The following DPP10 variants were observed in gnomAD, a reference collection of about 807,000 sequenced individuals.
DPP10 encodes the protein dipeptidyl peptidase like 10.
A neutral mutation model predicts 120.9 loss-of-function variants in DPP10; 33 were observed. That is an observed-to-expected ratio of 0.27 (90% CI 0.21 to 0.37). DPP10 has a LOEUF of 0.37. Ranked by LOEUF, DPP10 falls within the 10% of genes least tolerant of loss-of-function variation. The probability of loss-of-function intolerance (pLI) is 1.00; values close to 1 mark genes in which losing one functional copy is unlikely to be tolerated. For missense variants in DPP10, 816 were observed against 942.8 expected (o/e 0.87, Z 1.76); for synonymous variants, 337 against 326.1 (o/e 1.03, Z -0.36).
intron 7 of DPP10, among the ~76,000 whole-genome samples, chr2:115,692,969 A>T (rs928788244): frequency 1.3e-5 from 2 of 152,148 alleles, no homozygotes; most frequent in East Asian, 1.9e-4. Context: ...ACCCTCAAAT[A>T]TTCAAAGAAA....
chr2:115,843,658 TAGTA>T lies in DPP10; in HGVS notation c.*1319_*1322del, dbSNP rs1297418228. The stretch of plus-strand genomic sequence containing the variant: ...ATTCCTGTGCTGTGTTGACTTGCAG[TAGTA>T]AGTAACTGAGAGCATAAAATAAACC... On this transcript the variant is annotated 3_prime_UTR_variant, in exon 26 of 26. Transcript: ENST00000410059. 1.3e-5 allele frequency: 2 copies of T among 152,192 alleles called. No homozygotes were observed. Among genetic ancestry groups the T allele is most frequent in the Non-Finnish European group, 1.5e-5 (1 of 68,028 alleles). The allele number at this position is 152,192 out of a possible 1,614,324, so 9.4% of individuals were successfully genotyped here. A position where few individuals can be genotyped will look rare whatever the true frequency, so the allele number is the denominator to read the frequency against.
rs2092782750 is a variant in DPP10 at position 115,727,064 on chromosome 2, A to G, written c.577-752A>G. ...AGACATTGTAAAGCGAATTATAAATAATTTTATCCTGAATTATCTATATCA... is the reference window on the plus strand; with the variant it reads ...AGACATTGTAAAGCGAATTATAAATGATTTTATCCTGAATTATCTATATCA... On this transcript the variant is annotated intron_variant, in intron 7 of 25. Coordinates refer to ENST00000410059, the MANE Select transcript of DPP10 (RefSeq NM_020868.6). 2.6e-5 allele frequency among the ~76,000 whole-genome samples: 4 copies of G among 152,122 alleles called. No individual in the cohort carries two copies. The South Asian group carries it at 8.3e-4, about 32-fold the overall frequency.
chr2:114,944,437 C>T (rs1018277604), intron 1 of DPP10, among the ~76,000 whole-genome samples: 1 of 152,064 alleles, frequency 6.6e-6, no homozygotes, highest in Non-Finnish European at 1.5e-5. Flanking sequence ...GTTAAACATC[C>T]ACCTTTCATA....
chr2:115,053,157 A>G (rs574313898), intron 1 of DPP10, among the ~76,000 whole-genome samples: 108 of 152,288 alleles, frequency 7.1e-4, no homozygotes, highest in Non-Finnish European at 1.3e-3. Flanking sequence ...AGTTGTTCAT[A>G]AGAAAACTCA....
At chr2:114,565,436 A>G (rs1490425708) in intron 1 of DPP10, among the ~76,000 whole-genome samples, 1 of 152,146 alleles carries the variant, frequency 6.6e-6, no homozygotes, top group East Asian at 1.9e-4. Flanking sequence ...ATTCTTATTG[A>G]GTCATGGTGA....
chr2:114,538,427 T>C (rs980484498), intron 1 of DPP10, among the ~76,000 whole-genome samples: 10 of 152,184 alleles, frequency 6.6e-5, no homozygotes, highest in African/African-American at 2.4e-4. Context: ...AGAGCTGAAG[T>C]GTCCACCTAA....
At chr2:114,792,206 C>T (rs1337461356) in intron 1 of DPP10, among the ~76,000 whole-genome samples, 1 of 152,050 alleles carries the variant, frequency 6.6e-6, no homozygotes, top group Non-Finnish European at 1.5e-5. Context: ...GATAGTGCAT[C>T]GGTGTGGGAA....
At chr2:114,678,960 T>C (rs918506062) in intron 1 of DPP10, among the ~76,000 whole-genome samples, 7 of 152,068 alleles carry the variant, frequency 4.6e-5, no homozygotes, top group African/African-American at 1.7e-4. Flanking sequence ...AGTCTTCTTT[T>C]CTCAGCAGGT....
At chr2:114,724,028 A>G (rs1558673278) in intron 1 of DPP10, among the ~76,000 whole-genome samples, 3 of 152,200 alleles carry the variant, frequency 2.0e-5, no homozygotes, top group Non-Finnish European at 2.9e-5. Flanking sequence ...AAAAGAAAAT[A>G]TATTTTTTAA....
In DPP10 at chr2:115,236,876, T is replaced by G. The variant is rs192337019; in HGVS notation, c.61-72363T>G. Among the ~76,000 whole-genome samples, 270 of 152,278 alleles carry G rather than the reference T, an allele frequency of 1.8e-3. 2 individuals are homozygous for G. The highest frequency in any genetic ancestry group is 6.3e-3 in the African/African-American group (261 of 41,564). On this transcript the variant is annotated intron_variant, in intron 1 of 25. Transcript: ENST00000410059. ...AGGAAAATAGTGTTAACATCTGCAT[T>G]TCACAGTGAGTTAAGAATTTTCGGG...
rs530541381 is a variant in DPP10, at chr2:115,159,793, G to T, written c.61-149446G>T. 3.9e-5 allele frequency among the ~76,000 whole-genome samples: 6 copies of T among 152,242 alleles called. No individual in the cohort carries two copies. The South Asian group carries it at 1.2e-3, about 32-fold the overall frequency. ...AATAATGTTTGTCTTTATTTGTAATGAAGTGGATTTTATACTGAATTCAGA... is the reference window on the plus strand; with the variant it reads ...AATAATGTTTGTCTTTATTTGTAATTAAGTGGATTTTATACTGAATTCAGA... On this transcript the variant is annotated intron_variant, in intron 1 of 25. Transcript: ENST00000410059.
intron 5 of DPP10, among the ~76,000 whole-genome samples, chr2:115,651,205 A>G (rs1363950969): frequency 6.6e-6 from 1 of 152,088 alleles, no homozygotes; most frequent in Non-Finnish European, 1.5e-5. Flanking sequence ...AAACCTGCAA[A>G]TTAATTAAAA....
rs181456849 is a variant in DPP10, at chr2:115,828,453, T to C, written c.1951-7704T>C. Among the ~76,000 whole-genome samples, 6 of 152,286 alleles carry C rather than the reference T, an allele frequency of 3.9e-5. No individual in the cohort carries two copies. In the East Asian group the frequency reaches 1.2e-3, roughly 29 times the overall value. On this transcript the variant is annotated intron_variant, in intron 21 of 25. Coordinates refer to ENST00000410059, the MANE Select transcript of DPP10 (RefSeq NM_020868.6). ...AAATTTTTTATTATTATTTCAAATA[T>C]TTTTTGTTGTCCACTTTCTCAGGGA...
At chr2:114,803,408 T>A (rs1434129540) in intron 1 of DPP10, among the ~76,000 whole-genome samples, 1 of 152,116 alleles carries the variant, frequency 6.6e-6, no homozygotes, top group Non-Finnish European at 1.5e-5. Flanking sequence ...CTTTGGAACT[T>A]GGGTAAGAGG....
At chr2:114,893,546 G>A (rs1302752702) in intron 1 of DPP10, among the ~76,000 whole-genome samples, 1 of 152,110 alleles carries the variant, frequency 6.6e-6, no homozygotes, top group Admixed American at 6.6e-5. Flanking sequence ...GCATGAAGAA[G>A]AGAAAGTAGC....
At chr2:114,915,503 G>A (rs1694736508) in intron 1 of DPP10, among the ~76,000 whole-genome samples, 1 of 152,128 alleles carries the variant, frequency 6.6e-6, no homozygotes, top group South Asian at 2.1e-4. Flanking sequence ...GGAACTAACA[G>A]ACATCTACAG....
intron 19 of DPP10, among the ~76,000 whole-genome samples, chr2:115,800,463 G>T (rs1405283185): frequency 6.6e-5 from 10 of 151,984 alleles, no homozygotes; most frequent in African/African-American, 1.2e-4. Context: ...GTCAATTTTG[G>T]CTTTTGTTGC....
chr2:115,611,996 A>G (rs2084137046), intron 5 of DPP10, among the ~76,000 whole-genome samples: 1 of 152,182 alleles, frequency 6.6e-6, no homozygotes, highest in East Asian at 1.9e-4. Context: ...ATTTATGATG[A>G]TTAGTGAGAA....
At chr2:115,211,827 G>C (rs961198778) in intron 1 of DPP10, among the ~76,000 whole-genome samples, 1 of 152,056 alleles carries the variant, frequency 6.6e-6, no homozygotes, top group African/African-American at 2.4e-5. Context: ...AGATGTGTGC[G>C]TGTGTGTGTC....
Sources: allele counts gnomAD v4.1 joint callset (sites outside exome capture counted in the v4.1 genomes callset), GRCh38; gene constraint gnomAD v4.1.1; transcripts MANE v1.5; gene names NCBI Gene and HGNC (gene_info 2026-07-23, HGNC 2026-07-21).